STARD6: variants seen among roughly 807,000 people sequenced by gnomAD.
STARD6 encodes stAR-related lipid transfer protein 6.
A neutral mutation model predicts 22.3 loss-of-function variants in STARD6; 21 were observed. The ratio of observed to expected loss-of-function variants is 0.94; its 90% CI spans 0.67 to 1.35. The LOEUF (loss-of-function observed/expected upper bound fraction) is 1.35, where lower values mean the gene tolerates loss of function less well. Among genes scored for constraint, STARD6 ranks in the 40% most tolerant of loss-of-function variants. The pLI is 0.00. For missense variants in STARD6, 269 were observed against 266.9 expected, an observed-to-expected ratio of 1.01 and a Z score of -0.05; for synonymous variants, 80 against 88.1, an observed-to-expected ratio of 0.91 and a Z score of 0.52.
At chr18:54,348,876 T>TC (rs2089064529) in intron 4 of STARD6, among the ~76,000 whole-genome samples, 1 of 152,078 alleles carries the variant, frequency 6.6e-6, no homozygotes. Context: ...AAGGCATAAG[T>TC]GTTGAAAAAT....
In STARD6 at chr18:54,337,123, A is replaced by G; in HGVS notation, c.267+2T>C. 6.2e-7 allele frequency: 1 copy of G among 1,605,126 alleles called. No individual in the cohort carries two copies. Among genetic ancestry groups the G allele is most frequent in the Non-Finnish European group, 8.5e-7 (1 of 1,176,438 alleles). On this transcript the variant is annotated splice_donor_variant, in intron 5 of 7. Transcript: ENST00000307844. LOFTEE classifies it high-confidence loss of function. ...GAAGTCCAGTATTAAACAACAAATT[A>G]CCGAATCAATCCTGTGTACCATATT...
intron 4 of STARD6, among the ~76,000 whole-genome samples, chr18:54,352,366 G>A (rs1040575235): frequency 6.6e-6 from 1 of 152,012 alleles, no homozygotes; most frequent in Non-Finnish European, 1.5e-5. Flanking sequence ...CTAATGGTCT[G>A]CCATTTTTTT....
rs1226194853 is a variant in STARD6 at position 54,329,347 on chromosome 18, T to C, written c.479A>G (p.Glu160Gly). The change falls in exon 7 of 8, where the codon GAA becomes GGA. Residue 160 changes from glutamate (E) to glycine (G), a missense_variant and splice_region_variant. Transcript: ENST00000307844. Reference sequence around the variant, plus strand: ...ATAAATAAGTGCAAACAACACTTACTCTTCCATTGGTGAACATACAAAGCC... The same window carrying C: ...ATAAATAAGTGCAAACAACACTTACCCTTCCATTGGTGAACATACAAAGCC... ...PCGFVCSPME[E>G]NPAYSKLVMF... 6.3e-7 allele frequency: 1 copy of C among 1,579,544 alleles called. No homozygotes were observed. Among genetic ancestry groups the C allele is most frequent in the Non-Finnish European group, 8.6e-7 (1 of 1,167,250 alleles).
chr18:54,356,602 T>C (rs1234147022), intron 1 of STARD6, among the ~76,000 whole-genome samples, 158 bp from the exon 2 acceptor site: 1 of 152,184 alleles, frequency 6.6e-6, no homozygotes, highest in Non-Finnish European at 1.5e-5. Context: ...AAGAAAAATA[T>C]AGTACAAAAA....
chr18:54,347,456 G>T (rs1284451401), intron 4 of STARD6, among the ~76,000 whole-genome samples: 2 of 151,900 alleles, frequency 1.3e-5, no homozygotes, highest in Non-Finnish European at 2.9e-5. Context: ...TTTTTTATTT[G>T]TGAAAGAGAA....
intron 4 of STARD6, among the ~76,000 whole-genome samples, chr18:54,340,179 A>G (rs140649882): frequency 6.6e-6 from 1 of 152,306 alleles, no homozygotes; most frequent in Admixed American, 6.5e-5. Context: ...TTTAAAAGAT[A>G]CTATATAAAG....
intron 7 of STARD6, among the ~76,000 whole-genome samples, chr18:54,328,209 T>A (rs919437644): frequency 1.3e-5 from 2 of 152,302 alleles, no homozygotes; most frequent in Admixed American, 6.5e-5. Context: ...TTACTAGTAG[T>A]TTGTATGGTC....
At chr18:54,329,045 G>A (rs886316562) in intron 7 of STARD6, among the ~76,000 whole-genome samples, 1 of 152,048 alleles carries the variant, frequency 6.6e-6, no homozygotes, top group Non-Finnish European at 1.5e-5. Context: ...ATAATTTACA[G>A]AAATGACTCT....
chr18:54,339,746 G>A (rs765944910), intron 4 of STARD6, among the ~76,000 whole-genome samples: 20 of 152,138 alleles, frequency 1.3e-4, no homozygotes, highest in Non-Finnish European at 2.4e-4. Flanking sequence ...TCAGGCAAAA[G>A]GAAGAGACAC....
chr18:54,355,972 GATA>G (rs1408317562), intron 2 of STARD6: 1 of 152,178 alleles, frequency 6.6e-6, no homozygotes, highest in Non-Finnish European at 1.5e-5. Flanking sequence ...ATAGAATGGG[GATA>G]ATAATATCTA....
chr18:54,342,280 G>A (rs974427802), intron 4 of STARD6, among the ~76,000 whole-genome samples: 3 of 152,132 alleles, frequency 2.0e-5, no homozygotes, highest in African/African-American at 7.2e-5. Context: ...TGGCTTCACC[G>A]GTGAATCTGA....
chr18:54,325,027 T>G, intron 7 of STARD6, 152 bp from the exon 8 acceptor site: 1 of 583,096 alleles, frequency 1.7e-6, no homozygotes, highest in Non-Finnish European at 2.6e-6. Flanking sequence ...GAATATTTCT[T>G]AAAATCTTGA....
intron 4 of STARD6, among the ~76,000 whole-genome samples, chr18:54,348,305 G>C (rs1329363649): frequency 6.6e-6 from 1 of 152,128 alleles, no homozygotes; most frequent in African/African-American, 2.4e-5. Flanking sequence ...TGGTAATGAT[G>C]GTGGTAATAA....
chr18:54,343,277 C>A (rs1344470945), intron 4 of STARD6, among the ~76,000 whole-genome samples: 82 of 106,248 alleles, frequency 7.7e-4, no homozygotes, highest in African/African-American at 3.0e-3. Context: ...GCTGCCCCGT[C>A]TGAGAAGTGA....
At position 54,329,414 on chromosome 18, in the gene STARD6, G is replaced by T. The variant is rs2088849119; in HGVS notation, c.412C>A (p.Pro138Thr). 2 of 1,601,810 alleles carry T rather than the reference G, an allele frequency of 1.2e-6. No individual in the cohort carries two copies. The highest frequency in any genetic ancestry group is 1.1e-5 in the South Asian group (1 of 88,564). Residue 138 changes from proline to threonine, a missense_variant, in exon 7 of 8, where the codon CCT (proline) becomes ACT (threonine). Pro to Thr is a conservative substitution (Grantham distance 38). Transcript: ENST00000307844. ...SSKSVDFPEY[P>T]PSSNYIRGYN... ...CCGCGGATATAATTTGAAGATGGAGGATATTCTGGAAAATCCACACTTTTA... is the reference window on the plus strand; with the variant it reads ...CCGCGGATATAATTTGAAGATGGAGTATATTCTGGAAAATCCACACTTTTA...
In STARD6 at chr18:54,324,895, T is replaced by C; in HGVS notation, c.480-20A>G. ...GGGTTTCTGTAAGCAAAAGAAGAGT[T>C]AAAAAAAGATAAGAAATTTTTAGAT... On this transcript the variant is annotated intron_variant, in intron 7 of 7. Transcript: ENST00000307844. 6.8e-7 allele frequency: 1 copy of C among 1,478,190 alleles called. No homozygotes were observed. The highest frequency in any genetic ancestry group is 1.5e-5 in the South Asian group (1 of 66,740). 91.6% of individuals were successfully genotyped at this position (1,478,190 alleles called of 1,614,324 possible). A position where few individuals can be genotyped will look rare whatever the true frequency, so the allele number is the denominator to read the frequency against.
chr18:54,350,975 G>A (rs1004548090), intron 4 of STARD6, among the ~76,000 whole-genome samples: 2 of 151,996 alleles, frequency 1.3e-5, no homozygotes, highest in Non-Finnish European at 2.9e-5. Context: ...ACTGTTTTTT[G>A]GTTCCATACG....
At chr18:54,352,068 G>A (rs998054390) in intron 4 of STARD6, among the ~76,000 whole-genome samples, 8 of 149,238 alleles carry the variant, frequency 5.4e-5, no homozygotes, top group Admixed American at 1.3e-4. Flanking sequence ...AATCCATCTC[G>A]TTCTGGACTT....
chr18:54,351,898 C>CT (rs1568174614), intron 4 of STARD6, among the ~76,000 whole-genome samples: 3 of 61,558 alleles, frequency 4.9e-5, no homozygotes, highest in African/African-American at 2.0e-4. Flanking sequence ...GATATTGGTC[C>CT]GTTTTTTTTT....
Sources: allele counts gnomAD v4.1 joint callset (sites outside exome capture counted in the v4.1 genomes callset), GRCh38; gene constraint gnomAD v4.1.1; transcripts MANE v1.5; gene names NCBI Gene and HGNC (gene_info 2026-07-23, HGNC 2026-07-21).